Variants in PCDH9 observed in about 807,000 individuals in gnomAD.
PCDH9 encodes the protein protocadherin 9.
PCDH9 carries 24 observed loss-of-function variants against 70.6 expected under a neutral mutation model. The ratio of observed to expected loss-of-function variants is 0.34; its 90% CI spans 0.25 to 0.48. PCDH9 has a LOEUF of 0.48. Ranked by LOEUF, PCDH9 falls within the 20% of genes least tolerant of loss-of-function variation. The pLI, the probability that PCDH9 is intolerant of heterozygous loss-of-function variation, is 0.99. For missense variants in PCDH9, 1,281 were observed against 1,503.6 expected (o/e 0.85, Z 2.45); for synonymous variants, 562 against 558.5 (o/e 1.01, Z -0.09).
Position 67,226,027 on chromosome 13 carries a change from T to C in PCDH9, c.2414A>G (p.Gln805Arg). ...TAGATAGTCCTCATTTTGATAGGGTTGGCTACTATCCCCTATGTTCCTGTC... is the reference window on the plus strand; with the variant it reads ...TAGATAGTCCTCATTTTGATAGGGTCGGCTACTATCCCCTATGTTCCTGTC... ...PLDRNIGDSSQPYQNEDYLTI... is the reference protein window; with the variant it reads ...PLDRNIGDSSRPYQNEDYLTI... Residue 805 changes from glutamine (Q) to arginine (R), a missense_variant, in exon 2 of 5, where the codon CAA (glutamine) becomes CGA (arginine). By Grantham distance (43) the Gln-to-Arg change is conservative. Coordinates refer to ENST00000377865, the MANE Select transcript of PCDH9 (RefSeq NM_203487.3). This position sits in a 1 kb window ranked among gnomAD's most constrained non-coding sequence, Gnocchi z 5.0. 1 of 1,614,084 alleles carries C rather than the reference T, an allele frequency of 6.2e-7. No homozygotes were observed. Among genetic ancestry groups the C allele is most frequent in the Non-Finnish European group, 8.5e-7 (1 of 1,179,972 alleles).
At chr13:66,929,521 A>C (rs139052765) in intron 2 of PCDH9, among the ~76,000 whole-genome samples, 1 of 151,972 alleles carries the variant, frequency 6.6e-6, no homozygotes, top group Non-Finnish European at 1.5e-5. Flanking sequence ...ATGGGGTTTC[A>C]CCATGTAGGT....
chr13:66,580,944 C>T (rs912167822), intron 4 of PCDH9, among the ~76,000 whole-genome samples: 4 of 152,154 alleles, frequency 2.6e-5, no homozygotes, highest in South Asian at 2.1e-4. Flanking sequence ...CTGAACATGG[C>T]GTTATTTCTA....
intron 3 of PCDH9, among the ~76,000 whole-genome samples, chr13:66,771,751 T>C (rs1028555364): frequency 1.3e-5 from 2 of 152,216 alleles, no homozygotes; most frequent in African/African-American, 4.8e-5. Flanking sequence ...AATTGATTTA[T>C]CTCCTCAATT....
chr13:66,405,483 G>A (rs1957265003), intron 4 of PCDH9, among the ~76,000 whole-genome samples: 1 of 152,138 alleles, frequency 6.6e-6, no homozygotes, highest in African/African-American at 2.4e-5. Flanking sequence ...ATTTCAAGGA[G>A]AACATAAAGT....
intron 3 of PCDH9, among the ~76,000 whole-genome samples, chr13:66,682,377 T>TATC (rs1180115370): frequency 6.9e-6 from 1 of 145,820 alleles, no homozygotes; most frequent in Non-Finnish European, 1.6e-5. Flanking sequence ...TCTATCTATC[T>TATC]ATCTATCTAT....
At chr13:66,344,412 T>C (rs569236035) in intron 4 of PCDH9, among the ~76,000 whole-genome samples, 189 of 152,222 alleles carry the variant, frequency 1.2e-3, no homozygotes, top group Non-Finnish European at 1.8e-3. Context: ...AGGCATAAGC[T>C]ACCATGCCCG....
intron 2 of PCDH9, among the ~76,000 whole-genome samples, chr13:66,917,292 C>T (rs374062717): frequency 1.3e-5 from 2 of 151,492 alleles, no homozygotes; most frequent in East Asian, 3.9e-4. Context: ...AATTGGTACA[C>T]ACTTGCCTTA....
chr13:67,106,178 G>A (rs950380220), intron 2 of PCDH9, among the ~76,000 whole-genome samples: 6 of 152,128 alleles, frequency 3.9e-5, no homozygotes, highest in Non-Finnish European at 8.8e-5. Context: ...GCTTATTTCA[G>A]AATGATTGTG....
chr13:66,653,430 T>C (rs1044133606), intron 3 of PCDH9, among the ~76,000 whole-genome samples: 2 of 152,120 alleles, frequency 1.3e-5, no homozygotes, highest in Non-Finnish European at 2.9e-5. Context: ...TCATTGATCA[T>C]CAGAGAAATG....
intron 4 of PCDH9, among the ~76,000 whole-genome samples, chr13:66,523,795 A>T (rs1166527611): frequency 6.6e-6 from 1 of 152,080 alleles, no homozygotes; most frequent in African/African-American, 2.4e-5. Context: ...CTATGCAGAC[A>T]CAGAGGGAAA....
chr13:66,681,385 T>A (rs2078317222), intron 3 of PCDH9, among the ~76,000 whole-genome samples: 1 of 152,124 alleles, frequency 6.6e-6, no homozygotes, highest in African/African-American at 2.4e-5. Flanking sequence ...CTTGACCTAA[T>A]TCAGTATTTT....
At chr13:66,627,857 G>A (rs1294906528) in intron 4 of PCDH9, among the ~76,000 whole-genome samples, 1 of 152,104 alleles carries the variant, frequency 6.6e-6, no homozygotes, top group African/African-American at 2.4e-5. Flanking sequence ...TATTTTCCTG[G>A]TTTAGGACCT....
At chr13:66,489,997 G>A (rs377566980) in intron 4 of PCDH9, among the ~76,000 whole-genome samples, 13 of 152,072 alleles carry the variant, frequency 8.5e-5, no homozygotes, top group African/African-American at 2.9e-4. Context: ...TTTTTCTATT[G>A]TACTTTAAGT....
chr13:66,427,165 T>C (rs1957685489), intron 4 of PCDH9, among the ~76,000 whole-genome samples: 1 of 151,612 alleles, frequency 6.6e-6, no homozygotes, highest in Non-Finnish European at 1.5e-5. Flanking sequence ...ATAGAGATGG[T>C]CATATTAATG....
intron 3 of PCDH9, among the ~76,000 whole-genome samples, chr13:66,689,677 T>C (rs554501740): frequency 3.2e-4 from 48 of 152,252 alleles, no homozygotes; most frequent in Middle Eastern, 3.4e-3. Flanking sequence ...AAACCTGACA[T>C]TGCTAAAAAA....
intron 2 of PCDH9, among the ~76,000 whole-genome samples, chr13:67,094,085 T>A (rs968952979): frequency 2.0e-5 from 3 of 152,136 alleles, no homozygotes; most frequent in African/African-American, 4.8e-5. Flanking sequence ...GCGTATTAAG[T>A]CATAGGAAAT....
chr13:66,814,152 G>T (rs948756574), intron 3 of PCDH9, among the ~76,000 whole-genome samples: 1 of 152,046 alleles, frequency 6.6e-6, no homozygotes, highest in South Asian at 2.1e-4. Flanking sequence ...GGTACTTAAC[G>T]CTCTTTTTAG....
chr13:67,081,900 ATTTAG>A (rs1181902911), intron 2 of PCDH9, among the ~76,000 whole-genome samples: 1 of 151,934 alleles, frequency 6.6e-6, no homozygotes, highest in East Asian at 1.9e-4. Flanking sequence ...TTTTAATTTA[ATTTAG>A]TTAATTTTTA....
At chr13:66,517,259 T>C (rs185090815) in intron 4 of PCDH9, among the ~76,000 whole-genome samples, 15 of 152,282 alleles carry the variant, frequency 9.9e-5, no homozygotes, top group African/African-American at 3.6e-4. Context: ...AGGGACATAT[T>C]GGACACTTTG....
Sources: gnomAD v4.1 joint callset for allele counts (sites outside exome capture counted in the v4.1 genomes callset) on GRCh38, gnomAD v4.1.1 for gene constraint, Gnocchi (gnomAD v3.1) non-coding constraint, MANE v1.5 for transcripts, NCBI Gene and HGNC (gene_info 2026-07-23, HGNC 2026-07-21) for gene names.